The following NRG3 variants were observed in gnomAD, a reference collection of about 807,000 sequenced individuals.
NRG3 encodes the protein pro-neuregulin-3, membrane-bound isoform.
NRG3 carries 31 observed loss-of-function variants against 66.9 expected under a neutral mutation model. That is an observed-to-expected ratio of 0.46 (90% CI 0.35 to 0.63). NRG3 has a LOEUF of 0.63. Among genes scored for constraint, NRG3 ranks in the 20% least tolerant of loss-of-function variants. The pLI is 0.00. For synonymous variants in NRG3, 393 were observed against 359.4 expected (o/e 1.09, Z -1.06); for missense variants, 910 against 878.9 (o/e 1.04, Z -0.45).
At chr10:82,741,513 A>G (rs1436322567) in intron 3 of NRG3, among the ~76,000 whole-genome samples, 3 of 152,160 alleles carry the variant, frequency 2.0e-5, no homozygotes, top group African/African-American at 7.2e-5. Context: ...ATTCCTCACT[A>G]TAATTGTTAC....
chr10:82,131,480 A>C (rs1294582556), intron 1 of NRG3, among the ~76,000 whole-genome samples: 4 of 151,678 alleles, frequency 2.6e-5, no homozygotes, highest in African/African-American at 9.7e-5. Context: ...TGATTCCTCC[A>C]GTTTTTTTCT....
chr10:82,578,683 A>G (rs1208140357), intron 2 of NRG3, among the ~76,000 whole-genome samples: 1 of 151,762 alleles, frequency 6.6e-6, no homozygotes, highest in African/African-American at 2.4e-5. Flanking sequence ...CGCTTATTTA[A>G]TAAGAATAGC....
intron 1 of NRG3, among the ~76,000 whole-genome samples, chr10:82,200,627 C>T (rs535593404): frequency 7.2e-5 from 11 of 152,124 alleles, no homozygotes; most frequent in East Asian, 3.9e-4. Context: ...AAACCTATGA[C>T]GCAAGAGGAA....
intron 2 of NRG3, among the ~76,000 whole-genome samples, chr10:82,579,675 A>C (rs900001273): frequency 6.6e-6 from 1 of 151,838 alleles, no homozygotes; most frequent in African/African-American, 2.4e-5. Context: ...TCTTGCTTCA[A>C]CTCCATGTTG....
At chr10:82,284,672 A>G (rs959884962) in intron 1 of NRG3, among the ~76,000 whole-genome samples, 2 of 152,202 alleles carry the variant, frequency 1.3e-5, no homozygotes, top group Non-Finnish European at 2.9e-5. Context: ...TCTTTTCAAT[A>G]TGCCAATTTA....
chr10:82,580,793 G>A (rs1211687674), intron 2 of NRG3, among the ~76,000 whole-genome samples: 1 of 151,158 alleles, frequency 6.6e-6, no homozygotes, highest in Non-Finnish European at 1.5e-5. Flanking sequence ...GTTTATTCTT[G>A]TTTATTTATT....
At chr10:82,418,829 G>T (rs2088837094) in intron 2 of NRG3, among the ~76,000 whole-genome samples, 3 of 151,670 alleles carry the variant, frequency 2.0e-5, no homozygotes, top group Non-Finnish European at 4.4e-5. Context: ...TCAAACTCCT[G>T]GTCTTAGGCA....
chr10:82,326,546 A>G (rs1335920100), intron 1 of NRG3, among the ~76,000 whole-genome samples: 1 of 152,116 alleles, frequency 6.6e-6, no homozygotes, highest in Non-Finnish European at 1.5e-5. Context: ...TGCCTAATAT[A>G]TACTTTGAAG....
intron 1 of NRG3, among the ~76,000 whole-genome samples, chr10:82,309,466 CA>C (rs774666582): frequency 0.012 from 1,712 of 138,778 alleles, 23 homozygotes; most frequent in South Asian, 0.033. Flanking sequence ...CTTTGCATTA[CA>C]AAAAAAAAAA....
intron 2 of NRG3, among the ~76,000 whole-genome samples, chr10:82,377,433 CGCGT>C (rs1406766675): frequency 5.1e-4 from 62 of 121,966 alleles, no homozygotes; most frequent in African/African-American, 1.7e-3. Flanking sequence ...TGTGTGTGTG[CGCGT>C]GTGTGTGTGT....
chr10:82,394,942 A>G (rs2086624670), intron 2 of NRG3, among the ~76,000 whole-genome samples: 1 of 152,136 alleles, frequency 6.6e-6, no homozygotes, highest in Non-Finnish European at 1.5e-5. Flanking sequence ...AGTATTAAGC[A>G]CAACCTAGCC....
intron 1 of NRG3, among the ~76,000 whole-genome samples, chr10:82,235,400 T>C (rs2076704540): frequency 6.6e-6 from 1 of 152,242 alleles, no homozygotes; most frequent in Non-Finnish European, 1.5e-5. Context: ...ATAGTTTAAC[T>C]ATTTTTCTAA....
intron 4 of NRG3, among the ~76,000 whole-genome samples, chr10:82,893,971 T>G (rs1843414777): frequency 6.6e-6 from 1 of 152,206 alleles, no homozygotes; most frequent in African/African-American, 2.4e-5. Context: ...ATTAAAATGT[T>G]ACCCTATAAC....
chr10:82,445,768 C>G (rs769015687), intron 2 of NRG3, among the ~76,000 whole-genome samples: 7 of 152,154 alleles, frequency 4.6e-5, no homozygotes, highest in Non-Finnish European at 8.8e-5. Context: ...AACTCTGTTT[C>G]ACTGATTTGG....
chr10:81,988,710 G>C (rs184991136), intron 1 of NRG3, among the ~76,000 whole-genome samples: 7 of 152,116 alleles, frequency 4.6e-5, no homozygotes, highest in Admixed American at 1.3e-4. Flanking sequence ...AGATAAGTGT[G>C]TGTTATATAG....
intron 1 of NRG3, among the ~76,000 whole-genome samples, chr10:82,033,768 C>T (rs2062674488): frequency 6.6e-6 from 1 of 152,072 alleles, no homozygotes; most frequent in South Asian, 2.1e-4. Flanking sequence ...TTGCACAGCT[C>T]ATATCATTAC....
intron 2 of NRG3, among the ~76,000 whole-genome samples, chr10:82,649,173 G>A (rs1268464657): frequency 1.3e-5 from 2 of 152,228 alleles, no homozygotes; most frequent in African/African-American, 4.8e-5. Flanking sequence ...AGGAAAAGAG[G>A]AAGTGAAATT....
intron 1 of NRG3, among the ~76,000 whole-genome samples, chr10:82,114,936 A>G (rs2067615007): frequency 6.6e-6 from 1 of 152,112 alleles, no homozygotes; most frequent in African/African-American, 2.4e-5. Context: ...GAATCATAGC[A>G]CTTTTTTGGA....
Position 82,984,437 on chromosome 10 carries a change from C to T in NRG3, c.1584-661C>T, listed in dbSNP as rs1167280294. ...AGCCCTGTGGAACCCACTTCATATT[C>T]ATCCCCAGGCAGGTAGAGGAATTGT... On this transcript the variant is annotated intron_variant, in intron 8 of 8. Coordinates refer to ENST00000372141, the MANE Select transcript of NRG3 (RefSeq NM_001010848.4). Among the ~76,000 whole-genome samples, 3 of 152,164 alleles carry T rather than the reference C, an allele frequency of 2.0e-5. No individual in the cohort carries two copies. The East Asian group carries it at 5.8e-4, about 29-fold the overall frequency.
Sources: gnomAD v4.1 joint callset for allele counts (sites outside exome capture counted in the v4.1 genomes callset) on GRCh38, gnomAD v4.1.1 for gene constraint, MANE v1.5 for transcripts, NCBI Gene and HGNC (gene_info 2026-07-23, HGNC 2026-07-21) for gene names.